Variants in PTPRA observed in about 807,000 individuals in gnomAD.
PTPRA encodes the protein receptor-type tyrosine-protein phosphatase alpha.
PTPRA carries 25 observed loss-of-function variants against 104.8 expected under a neutral mutation model. That is an observed-to-expected ratio of 0.24 (90% CI 0.17 to 0.33). The LOEUF is 0.33. Ranked by LOEUF, PTPRA falls within the 10% of genes least tolerant of loss-of-function variation. The pLI is 1.00. For synonymous variants in PTPRA, 323 were observed against 368.9 expected, an observed-to-expected ratio of 0.88 and a Z score of 1.43; for missense variants, 765 against 1,015.3, an observed-to-expected ratio of 0.75 and a Z score of 3.35.
rs373380013 is a variant in PTPRA at position 2,934,094 on chromosome 20, G to A, written c.-50+10809G>A. 9.2e-5 allele frequency among the ~76,000 whole-genome samples: 14 copies of A among 152,172 alleles called. No homozygotes were observed. In the East Asian group the frequency reaches 1.9e-3, roughly 21 times the overall value. ...GAGTAGTTCAGCAGTTTCTAGTACT[G>A]TTTACTAAATAATCTATGAAAATTT... On this transcript the variant is annotated intron_variant, in intron 2 of 23. Transcript: ENST00000399903.
chr20:2,926,900 C>G (rs2060320207), intron 2 of PTPRA, among the ~76,000 whole-genome samples: 1 of 149,570 alleles, frequency 6.7e-6, no homozygotes, highest in Non-Finnish European at 1.5e-5. Flanking sequence ...AAGTGATTTT[C>G]CTGCCTCAGC....
At chr20:3,017,737 C>A in intron 12 of PTPRA, 79 bp from the exon 13 acceptor site, 1 of 1,273,156 alleles carries the variant, frequency 7.9e-7, no homozygotes, top group Non-Finnish European at 1.1e-6. Flanking sequence ...TTCCAAAAGT[C>A]AGGAATGGAT....
chr20:2,866,255 C>T, the PTPRA span: 1 of 1,614,118 alleles, frequency 6.2e-7, no homozygotes, highest in Non-Finnish European at 8.5e-7. Context: ...AAATACGAAG[C>T]CAAGAAGTAT....
intron 1 of PTPRA, among the ~76,000 whole-genome samples, chr20:2,906,273 A>G (rs1195103988): frequency 6.6e-6 from 1 of 152,190 alleles, no homozygotes; most frequent in East Asian, 1.9e-4. Flanking sequence ...ATTACCTGAT[A>G]TACTGTACTT....
intron 3 of PTPRA, among the ~76,000 whole-genome samples, chr20:2,949,530 C>T (rs2061281302): frequency 6.6e-6 from 1 of 151,956 alleles, no homozygotes; most frequent in South Asian, 2.1e-4. Context: ...TGGGCTCAAG[C>T]AATCCTCCCA....
chr20:2,898,184 CCT>C (rs1288214258), intron 1 of PTPRA, among the ~76,000 whole-genome samples: 1 of 152,050 alleles, frequency 6.6e-6, no homozygotes, highest in Non-Finnish European at 1.5e-5. Flanking sequence ...GCAAGCTCCG[CCT>C]CTCGGGTTCA....
chr20:2,908,827 A>C (rs1338008746), intron 1 of PTPRA, among the ~76,000 whole-genome samples: 1 of 152,254 alleles, frequency 6.6e-6, no homozygotes, highest in African/African-American at 2.4e-5. Flanking sequence ...ATAACTAATG[A>C]TAGTTATGTA....
intron 5 of PTPRA, among the ~76,000 whole-genome samples, chr20:2,971,632 G>A (rs1180755536): frequency 2.0e-5 from 3 of 152,160 alleles, no homozygotes; most frequent in Non-Finnish European, 2.9e-5. Flanking sequence ...ACACTAAGGA[G>A]GACACTTTCA....
At chr20:3,005,191 C>A in intron 10 of PTPRA, 45 bp downstream of exon 10, 1 of 1,504,754 alleles carries the variant, frequency 6.6e-7, no homozygotes, top group Admixed American at 1.7e-5. Flanking sequence ...GAAATTACAT[C>A]TCTGGAGGGA....
rs146974588 is a variant in PTPRA at position 2,989,746 on chromosome 20, G to C, written c.738+1272G>C. ...TTGAAAAAATGACTCAGCTGGGCACGGTGGCTCACGCCTGTAATCCCAGCA... is the reference window on the plus strand; with the variant it reads ...TTGAAAAAATGACTCAGCTGGGCACCGTGGCTCACGCCTGTAATCCCAGCA... On this transcript the variant is annotated intron_variant, in intron 9 of 23. Coordinates refer to ENST00000399903, the MANE Select transcript of PTPRA (RefSeq NM_001385305.1). 8.6e-3 allele frequency among the ~76,000 whole-genome samples: 1,307 copies of C among 152,282 alleles called. 15 individuals are homozygous for C. Among genetic ancestry groups the C allele is most frequent in the African/African-American group, 0.029 (1,213 of 41,572 alleles).
intron 2 of PTPRA, among the ~76,000 whole-genome samples, chr20:2,947,648 A>G (rs1250052888): frequency 6.6e-6 from 1 of 152,016 alleles, no homozygotes; most frequent in Non-Finnish European, 1.5e-5. Context: ...TGTCTCATGG[A>G]CTCTTTCGTA....
At chr20:2,989,782 C>T (rs537172367) in intron 9 of PTPRA, among the ~76,000 whole-genome samples, 2 of 152,256 alleles carry the variant, frequency 1.3e-5, no homozygotes, top group East Asian at 3.9e-4. Context: ...CTTTGGGAGG[C>T]CAAGGCGGGC....
Position 2,988,059 on chromosome 20 carries a change from C to A in PTPRA, c.555C>A (p.Ser185Arg). The A allele has an allele frequency of 6.3e-7, 1 of 1,588,756 alleles. No homozygotes were observed. Among genetic ancestry groups the A allele is most frequent in the Non-Finnish European group, 8.6e-7 (1 of 1,156,978 alleles). Residue 185 changes from serine (S) to arginine (R), a missense_variant, in exon 8 of 24, where the codon AGC becomes AGA. Physicochemically the swap from Ser to Arg is moderately radical, Grantham distance 110 (BLOSUM62 -1). Around this residue, in one of 4 missense-constraint regions of PTPRA, gnomAD observed 256 missense variants for 248.9 expected, o/e 1.03. Coordinates refer to ENST00000399903, the MANE Select transcript of PTPRA (RefSeq NM_001385305.1). The stretch of plus-strand genomic sequence containing the variant: ...TTAAGAAATACAAGCAAGCTGGGAG[C>A]CATTCCAATTCTTTCCGCTTATCCA... ...LRFKKYKQAG[S>R]HSNSFRLSNG... is the part of the protein sequence containing the mutation.
intron 6 of PTPRA, among the ~76,000 whole-genome samples, chr20:2,980,472 C>G (rs958055498): frequency 6.6e-6 from 1 of 151,810 alleles, no homozygotes; most frequent in Admixed American, 6.6e-5. Flanking sequence ...GAGGATCGCT[C>G]GAACCAGGAG....
intron 5 of PTPRA, among the ~76,000 whole-genome samples, chr20:2,971,884 G>A (rs1261021870): frequency 6.6e-6 from 1 of 152,072 alleles, no homozygotes; most frequent in East Asian, 1.9e-4. Flanking sequence ...TACCAGGCTG[G>A]AGTGCAGTGG....
chr20:2,870,898 C>T (rs1375632336), upstream of PTPRA, among the ~76,000 whole-genome samples: 2 of 152,200 alleles, frequency 1.3e-5, no homozygotes, highest in African/African-American at 2.4e-5. Flanking sequence ...GCACAGGAAA[C>T]TGCCTCCTTT....
intron 1 of PTPRA, among the ~76,000 whole-genome samples, chr20:2,900,489 T>C (rs1045230555): frequency 2.6e-5 from 4 of 152,164 alleles, no homozygotes; most frequent in African/African-American, 9.7e-5. Flanking sequence ...AAATTTCCAT[T>C]GCTGTGGTTT....
At chr20:2,902,912 T>A (rs1014672477) in intron 1 of PTPRA, among the ~76,000 whole-genome samples, 1 of 152,074 alleles carries the variant, frequency 6.6e-6, no homozygotes, top group Non-Finnish European at 1.5e-5. Context: ...TCCATAATAT[T>A]TCATGGATTT....
At chr20:2,875,539 G>A (rs74582408) in intron 1 of PTPRA, among the ~76,000 whole-genome samples, 5,741 of 152,198 alleles carry the variant, frequency 0.038, 266 homozygotes, top group Admixed American at 0.11. Flanking sequence ...ACAAAAGTGA[G>A]GAAGTCAGTC....
Sources: allele counts gnomAD v4.1 joint callset (sites outside exome capture counted in the v4.1 genomes callset), GRCh38; gene constraint gnomAD v4.1.1; regional missense constraint gnomAD v4.1.1; transcripts MANE v1.5; gene names NCBI Gene and HGNC (gene_info 2026-07-23, HGNC 2026-07-21).